Variants in SLC4A4 observed in about 807,000 individuals in gnomAD.
SLC4A4 encodes the protein solute carrier family 4 member 4.
Under a neutral mutation model 111.5 loss-of-function variants are expected in SLC4A4, and 27 were observed. The observed-to-expected ratio is 0.24, with a 90% CI of 0.18 to 0.33. The LOEUF (loss-of-function observed/expected upper bound fraction) is 0.33, where lower values mean the gene tolerates loss of function less well. Ranked by LOEUF, SLC4A4 falls within the 10% of genes least tolerant of loss-of-function variation. The pLI is 1.00. For missense variants in SLC4A4, 909 were observed against 1,315.5 expected (o/e 0.69, Z 4.78); for synonymous variants, 443 against 463.4 (o/e 0.96, Z 0.57).
intron 3 of SLC4A4, among the ~76,000 whole-genome samples, chr4:71,261,388 T>C (rs1226001424): frequency 1.3e-5 from 2 of 152,236 alleles, no homozygotes; most frequent in African/African-American, 4.8e-5. Flanking sequence ...TCTTTCTGGC[T>C]CTTTCTTTGT....
chr4:71,562,885 A>G (rs1737120764), intron 23 of SLC4A4, among the ~76,000 whole-genome samples: 1 of 151,548 alleles, frequency 6.6e-6, no homozygotes, highest in Admixed American at 6.6e-5. Context: ...GGAATTTTCC[A>G]TGTAGGTAAT....
At chr4:71,156,599 C>CACAT (rs759082688) in intron 2 of SLC4A4, among the ~76,000 whole-genome samples, 8 of 150,704 alleles carry the variant, frequency 5.3e-5, no homozygotes, top group African/African-American at 9.8e-5. Flanking sequence ...CACACACACA[C>CACAT]ACACACACAC....
At chr4:71,542,751 G>T (rs1318179990) in intron 18 of SLC4A4, among the ~76,000 whole-genome samples, 2 of 152,074 alleles carry the variant, frequency 1.3e-5, no homozygotes, top group Non-Finnish European at 2.9e-5. Context: ...CCTACTGTAG[G>T]CCTTTAACAC....
At chr4:71,240,275 G>C (rs1369251179) in intron 2 of SLC4A4, among the ~76,000 whole-genome samples, 1 of 152,158 alleles carries the variant, frequency 6.6e-6, no homozygotes, top group Non-Finnish European at 1.5e-5. Context: ...TAGGGGAAAA[G>C]AGCAAACTCC....
intron 1 of SLC4A4, among the ~76,000 whole-genome samples, chr4:71,188,706 A>G (rs1181302752): frequency 6.6e-6 from 1 of 152,000 alleles, no homozygotes; most frequent in Non-Finnish European, 1.5e-5. Flanking sequence ...AACAATATTC[A>G]GTAGCTTTTT....
At chr4:71,436,357 A>G (rs751770547) in intron 7 of SLC4A4, among the ~76,000 whole-genome samples, 2 of 152,172 alleles carry the variant, frequency 1.3e-5, no homozygotes, top group African/African-American at 2.4e-5. Flanking sequence ...GAGTTGAACA[A>G]TGAGAACACA....
chr4:71,167,570 A>G (rs1375142416), intron 2 of SLC4A4, among the ~76,000 whole-genome samples: 1 of 152,230 alleles, frequency 6.6e-6, no homozygotes, highest in Non-Finnish European at 1.5e-5. Context: ...AAAAGTGAGT[A>G]TACAATCAGG....
At chr4:71,211,282 G>A (rs955573336) in intron 1 of SLC4A4, among the ~76,000 whole-genome samples, 2 of 152,124 alleles carry the variant, frequency 1.3e-5, no homozygotes, top group Non-Finnish European at 2.9e-5. Flanking sequence ...ACAATATAAA[G>A]ACATAGTGAT....
At chr4:71,464,434 G>T (rs1446628267) in intron 12 of SLC4A4, among the ~76,000 whole-genome samples, 1 of 152,116 alleles carries the variant, frequency 6.6e-6, no homozygotes, top group Non-Finnish European at 1.5e-5. Flanking sequence ...TCTGGTTTCT[G>T]TCCCTGTGAG....
chr4:71,348,808 A>C (rs953080092), intron 4 of SLC4A4, among the ~76,000 whole-genome samples: 4 of 152,040 alleles, frequency 2.6e-5, no homozygotes, highest in African/African-American at 9.7e-5. Flanking sequence ...CCCTATGTAG[A>C]GCTTCCTCTG....
At chr4:71,344,569 A>C (rs916344912) in intron 4 of SLC4A4, among the ~76,000 whole-genome samples, 1 of 152,138 alleles carries the variant, frequency 6.6e-6, no homozygotes, top group African/African-American at 2.4e-5. Context: ...TTTTCTGTGA[A>C]AGTCGCAATT....
intron 6 of SLC4A4, among the ~76,000 whole-genome samples, chr4:71,379,165 C>G (rs901502118): frequency 2.0e-5 from 3 of 152,286 alleles, no homozygotes; most frequent in Non-Finnish European, 4.4e-5. Context: ...ATCACTCCCT[C>G]TGCTCAAAAA....
At chr4:71,458,604 G>A (rs1726512496) in intron 12 of SLC4A4, among the ~76,000 whole-genome samples, 2 of 151,958 alleles carry the variant, frequency 1.3e-5, no homozygotes, top group South Asian at 2.1e-4. Flanking sequence ...CTCATAATAA[G>A]GAACATTTAT....
chr4:71,153,147 G>A (rs990668526), intron 2 of SLC4A4, among the ~76,000 whole-genome samples: 4 of 151,586 alleles, frequency 2.6e-5, no homozygotes, highest in Non-Finnish European at 2.9e-5. Flanking sequence ...GAGCCAGTCC[G>A]AGTCCCAAAA....
chr4:71,445,868 A>G lies in SLC4A4; in HGVS notation c.966-1778A>G, dbSNP rs1725179806. Among the ~76,000 whole-genome samples, 4 of 152,218 alleles carry G rather than the reference A, an allele frequency of 2.6e-5. No individual in the cohort carries two copies. In the South Asian group the frequency reaches 8.3e-4, roughly 32 times the overall value. ...TTTATAATACTATACGTAGTGGCAT[A>G]TAATTAGGGGCCAGCTTCGAAGGGA... On this transcript the variant is annotated intron_variant, in intron 8 of 25. Transcript: ENST00000264485.
intron 1 of SLC4A4, among the ~76,000 whole-genome samples, chr4:71,088,941 A>T (rs1262094837): frequency 1.3e-5 from 2 of 151,938 alleles, no homozygotes; most frequent in Admixed American, 6.6e-5. Context: ...CCTGAATTTG[A>T]ATGTTGACCT....
intron 11 of SLC4A4, among the ~76,000 whole-genome samples, chr4:71,452,094 G>T (rs1015032846): frequency 2.4e-3 from 12 of 4,958 alleles, no homozygotes; most frequent in Non-Finnish European, 5.9e-3. Flanking sequence ...TAAAAACACT[G>T]CAGGGTTTTT....
intron 12 of SLC4A4, among the ~76,000 whole-genome samples, chr4:71,460,709 C>T (rs1007984102): frequency 2.0e-5 from 3 of 152,036 alleles, no homozygotes; most frequent in Non-Finnish European, 4.4e-5. Flanking sequence ...GATGAATGGT[C>T]TGTGTGACCA....
intron 18 of SLC4A4, among the ~76,000 whole-genome samples, chr4:71,538,935 C>T (rs1161719255): frequency 1.3e-5 from 2 of 152,018 alleles, no homozygotes; most frequent in Admixed American, 6.6e-5. Flanking sequence ...GGAATAGAGT[C>T]TGAGCTTCAG....
Sources: allele counts gnomAD v4.1 joint callset (sites outside exome capture counted in the v4.1 genomes callset), GRCh38; gene constraint gnomAD v4.1.1; transcripts MANE v1.5; gene names NCBI Gene and HGNC (gene_info 2026-07-23, HGNC 2026-07-21).